Variants in NELL2 observed in about 807,000 individuals in gnomAD.
NELL2 encodes the protein protein kinase C-binding protein NELL2.
In NELL2, 41 loss-of-function variants were observed where a neutral mutation model predicts 109.6. The observed-to-expected ratio is 0.37, with a 90% CI of 0.29 to 0.49. The LOEUF (loss-of-function observed/expected upper bound fraction) is 0.49. Ranked by LOEUF, NELL2 falls within the 20% of genes least tolerant of loss-of-function variation. The pLI, the probability that NELL2 is intolerant of heterozygous loss-of-function variation, is 0.98. For missense variants in NELL2, 900 were observed against 1,008.3 expected (o/e 0.89, Z 1.45); for synonymous variants, 355 against 344.7 (o/e 1.03, Z -0.33).
In NELL2 at chr12:44,576,541, C is replaced by CT. The variant is rs111804043; in HGVS notation, c.1663+30627dup. On this transcript the variant is annotated intron_variant, in intron 15 of 19. Coordinates refer to ENST00000429094, the MANE Select transcript of NELL2 (RefSeq NM_001145108.2). The stretch of plus-strand genomic sequence containing the variant: ...GATGTACCCCTAGAGCCTACCTTCT[C>CT]TTTTTTTTTTTTCTTTTATTATTAT... Among the ~76,000 whole-genome samples the CT allele has an allele frequency of 1.7e-3, 256 of 146,372 alleles. 1 individual carries two copies. The highest frequency in any genetic ancestry group is 1.9e-3 in the African/African-American group (78 of 40,206).
At chr12:44,780,644 T>C (rs1941923813) in intron 3 of NELL2, among the ~76,000 whole-genome samples, 1 of 152,030 alleles carries the variant, frequency 6.6e-6, no homozygotes. Context: ...CCATCTCATC[T>C]TGGAAGTAAT....
chr12:44,565,359 C>T (rs1314014854), intron 15 of NELL2, among the ~76,000 whole-genome samples: 2 of 152,164 alleles, frequency 1.3e-5, no homozygotes, highest in African/African-American at 4.8e-5. Context: ...TAAACAATGA[C>T]ATCATCATTA....
intron 11 of NELL2, among the ~76,000 whole-genome samples, chr12:44,705,108 C>T (rs138209250): frequency 5.3e-5 from 8 of 151,284 alleles, no homozygotes; most frequent in South Asian, 2.1e-4. Context: ...CTTTTACTTG[C>T]GAAAATCATA....
intron 15 of NELL2, among the ~76,000 whole-genome samples, chr12:44,574,784 G>A (rs1009002107): frequency 6.6e-6 from 1 of 152,106 alleles, no homozygotes; most frequent in African/African-American, 2.4e-5. Context: ...TCAAATATTT[G>A]CATGGCTTGC....
intron 9 of NELL2, among the ~76,000 whole-genome samples, chr12:44,768,286 G>C (rs901417555): frequency 6.6e-6 from 1 of 150,894 alleles, no homozygotes; most frequent in African/African-American, 2.4e-5. Context: ...TTAAAAGGTA[G>C]CAGCATGCCA....
chr12:44,591,723 T>G (rs1944758684), intron 15 of NELL2, among the ~76,000 whole-genome samples: 1 of 152,160 alleles, frequency 6.6e-6, no homozygotes, highest in Non-Finnish European at 1.5e-5. Context: ...TATTTAATAA[T>G]AATTTACTGT....
intron 15 of NELL2, among the ~76,000 whole-genome samples, chr12:44,573,378 G>A (rs542438240): frequency 7.9e-5 from 12 of 152,124 alleles, no homozygotes; most frequent in African/African-American, 2.2e-4. Context: ...AATCAAAATC[G>A]TAGCACAGAA....
chr12:44,775,007 G>A (rs941725219), intron 8 of NELL2, among the ~76,000 whole-genome samples, 158 bp from the exon 9 acceptor site: 1 of 152,094 alleles, frequency 6.6e-6, no homozygotes, highest in Non-Finnish European at 1.5e-5. Flanking sequence ...ATCACCACAA[G>A]GAGGCGCCAA....
chr12:44,805,701 C>T (rs543226190), intron 3 of NELL2, among the ~76,000 whole-genome samples: 92 of 151,844 alleles, frequency 6.1e-4, no homozygotes, highest in African/African-American at 2.1e-3. Context: ...ATTATTATAC[C>T]TTTCCAGACC....
rs538021858 is a variant in NELL2, at chr12:44,571,809, C to T, written c.1663+35360G>A. Among the ~76,000 whole-genome samples the T allele has an allele frequency of 4.6e-5, 7 of 152,270 alleles. No homozygotes were observed. The South Asian group carries it at 1.4e-3, about 32-fold the overall frequency. On this transcript the variant is annotated intron_variant, in intron 15 of 19. Transcript: ENST00000429094. ...ACTGCACAATAATTTGACTATAGAA[C>T]TTCATTTCTCTTGATTCAGTTCTAA...
At chr12:44,705,177 T>C (rs1218742813) in intron 11 of NELL2, among the ~76,000 whole-genome samples, 1 of 152,150 alleles carries the variant, frequency 6.6e-6, no homozygotes, top group Admixed American at 6.6e-5. Context: ...TTCATTCGAT[T>C]AGAATTCCAG....
At chr12:44,633,139 T>C (rs999797354) in intron 13 of NELL2, among the ~76,000 whole-genome samples, 2 of 151,914 alleles carry the variant, frequency 1.3e-5, no homozygotes. Flanking sequence ...GGTTAATAGA[T>C]GCTAAGAGGA....
At chr12:44,656,704 C>A (rs776903356) in intron 13 of NELL2, among the ~76,000 whole-genome samples, 11 of 152,182 alleles carry the variant, frequency 7.2e-5, no homozygotes, top group Non-Finnish European at 1.5e-4. Flanking sequence ...CTTCTTGTGG[C>A]CCTATCTACT....
chr12:44,560,060 C>T (rs7301710), intron 15 of NELL2, among the ~76,000 whole-genome samples: 128,618 of 152,150 alleles, frequency 0.85, 54,727 homozygotes, highest in East Asian at 1. Flanking sequence ...AACTGAACAA[C>T]ATGCTCCAGA....
chr12:44,865,826 T>TAAAAA (rs71435994), intron 2 of NELL2, among the ~76,000 whole-genome samples: 77,204 of 141,512 alleles, frequency 0.55, 21,693 homozygotes, highest in Middle Eastern at 0.63. Context: ...AAAAAAAAAT[T>TAAAAA]AAAAAAAAAA....
chr12:44,908,511 G>A (rs559613006), intron 1 of NELL2, among the ~76,000 whole-genome samples: 1 of 152,028 alleles, frequency 6.6e-6, no homozygotes, highest in Non-Finnish European at 1.5e-5. Context: ...AATGAACATA[G>A]GGATGAGTGA....
chr12:44,533,895 ATGCCATAGCC>A (rs1565885509), intron 15 of NELL2, among the ~76,000 whole-genome samples: 18 of 26,980 alleles, frequency 6.7e-4, no homozygotes, highest in African/African-American at 1.8e-3. Flanking sequence ...TGATAGCCGT[ATGCCATAGCC>A]GAAGGTTCCA....
At chr12:44,711,951 A>T (rs1447392556) in intron 10 of NELL2, among the ~76,000 whole-genome samples, 2 of 152,040 alleles carry the variant, frequency 1.3e-5, no homozygotes, top group Admixed American at 6.6e-5. Flanking sequence ...ATTGGCACTT[A>T]AAAAATTTCT....
In NELL2 at chr12:44,657,340, C is replaced by A. The variant is rs143332209; in HGVS notation, c.1444+8144G>T. Among the ~76,000 whole-genome samples, 119 of 152,062 alleles carry A rather than the reference C, an allele frequency of 7.8e-4. 1 individual carries two copies. Among genetic ancestry groups the A allele is most frequent in the Admixed American group, 3.7e-3 (56 of 15,270 alleles). ...AGAAAAGAGAGAGAGAGTGTGTGTG[C>A]GGATGTGCATGCATCTGTGTGGTAT... On this transcript the variant is annotated intron_variant, in intron 13 of 19. Transcript: ENST00000429094.
Sources: allele counts gnomAD v4.1 joint callset (sites outside exome capture counted in the v4.1 genomes callset), GRCh38; gene constraint gnomAD v4.1.1; transcripts MANE v1.5; gene names NCBI Gene and HGNC (gene_info 2026-07-23, HGNC 2026-07-21).